The following ADAM23 variants were observed in gnomAD, a reference collection of about 807,000 sequenced individuals.
ADAM23 encodes disintegrin and metalloproteinase domain-containing protein 23.
ADAM23 carries 33 observed loss-of-function variants against 120.1 expected under a neutral mutation model. The observed-to-expected ratio is 0.27, with a 90% CI of 0.21 to 0.37. The LOEUF is 0.37. Among genes scored for constraint, ADAM23 ranks in the 10% least tolerant of loss-of-function variants. ADAM23 has a pLI of 1.00. For synonymous variants in ADAM23, 367 were observed against 375.2 expected, an observed-to-expected ratio of 0.98 and a Z score of 0.25; for missense variants, 862 against 1,058.2, an observed-to-expected ratio of 0.81 and a Z score of 2.57.
intron 25 of ADAM23, among the ~76,000 whole-genome samples, chr2:206,614,652 C>CAA (rs935600748): frequency 7.6e-6 from 1 of 131,888 alleles, no homozygotes; most frequent in African/African-American, 2.8e-5. Context: ...AACTCTGTCT[C>CAA]AAAAAAAAAA....
At chr2:206,496,093 G>A (rs925742135) in intron 3 of ADAM23, among the ~76,000 whole-genome samples, 4 of 152,058 alleles carry the variant, frequency 2.6e-5, no homozygotes, top group Non-Finnish European at 5.9e-5. Context: ...ACAGATCAAT[G>A]AGATAGAAAG....
At chr2:206,526,141 TAC>T (rs59684611) in intron 3 of ADAM23, among the ~76,000 whole-genome samples, 33,554 of 145,422 alleles carry the variant, frequency 0.23, 3,782 homozygotes, top group African/African-American at 0.3. Flanking sequence ...TTCCAACAAA[TAC>T]ACACACACAC....
intron 18 of ADAM23, among the ~76,000 whole-genome samples, chr2:206,577,247 ATTTTTTCTTTTTT>A (rs955779702): frequency 1.3e-5 from 2 of 149,882 alleles, no homozygotes; most frequent in South Asian, 2.1e-4. Flanking sequence ...GAATAAGGGC[ATTTTTTCTTTTTT>A]TTTTTTCTTT....
chr2:206,570,662 T>G, intron 15 of ADAM23, 78 bp from the exon 16 acceptor site: 1 of 1,087,326 alleles, frequency 9.2e-7, no homozygotes, highest in South Asian at 1.3e-5. Flanking sequence ...TATACGGCCA[T>G]TGTATGTGGC....
chr2:206,521,823 GAACAT>G (rs1696849254), intron 3 of ADAM23, among the ~76,000 whole-genome samples: 1 of 152,176 alleles, frequency 6.6e-6, no homozygotes, highest in South Asian at 2.1e-4. Flanking sequence ...ATTATAGGGT[GAACAT>G]GCTTTCAGGG....
chr2:206,526,609 A>AG (rs1696953330), intron 3 of ADAM23, among the ~76,000 whole-genome samples: 1 of 152,184 alleles, frequency 6.6e-6, no homozygotes, highest in Non-Finnish European at 1.5e-5. Flanking sequence ...GTCACACTAG[A>AG]GGGGCAGACA....
At position 206,561,217 on chromosome 2, in the gene ADAM23, A is replaced by G; in HGVS notation, c.1254+5A>G. 9 of 1,611,662 alleles carry G rather than the reference A, an allele frequency of 5.6e-6. No homozygotes were observed. Among genetic ancestry groups the G allele is most frequent in the Non-Finnish European group, 7.6e-6 (9 of 1,177,844 alleles). On this transcript the variant is annotated splice_donor_5th_base_variant and intron_variant, in intron 12 of 25. Transcript: ENST00000264377. ...AGAGGAGTTGGTGTGAATGAGGTAA[A>G]TTTTACCAATTAGAGTTTCATCTTT... is the stretch of plus-strand genomic sequence containing the variant.
intron 4 of ADAM23, among the ~76,000 whole-genome samples, chr2:206,541,490 A>G (rs932553697): frequency 6.6e-6 from 1 of 152,218 alleles, no homozygotes; most frequent in Non-Finnish European, 1.5e-5. Flanking sequence ...AAACAGCTTA[A>G]AACATTAAAA....
chr2:206,518,805 A>G (rs1460769819), intron 3 of ADAM23, among the ~76,000 whole-genome samples: 1 of 152,194 alleles, frequency 6.6e-6, no homozygotes, highest in Admixed American at 6.5e-5. Flanking sequence ...TCTTTACAGC[A>G]TATAGGCAAT....
intron 18 of ADAM23, among the ~76,000 whole-genome samples, chr2:206,576,282 G>C (rs1334397074): frequency 6.6e-6 from 1 of 150,506 alleles, no homozygotes; most frequent in African/African-American, 2.4e-5. Flanking sequence ...AAAAACTTCT[G>C]TGTATTCAGC....
intron 24 of ADAM23, among the ~76,000 whole-genome samples, chr2:206,603,180 T>G (rs1447670342): frequency 6.6e-6 from 1 of 150,654 alleles, no homozygotes; most frequent in Non-Finnish European, 1.5e-5. Flanking sequence ...TAAATTAGTG[T>G]AGAAGTAGAA....
chr2:206,485,985 G>T (rs575238382), intron 3 of ADAM23, among the ~76,000 whole-genome samples: 1 of 152,342 alleles, frequency 6.6e-6, no homozygotes, highest in Admixed American at 6.5e-5. Context: ...GAGGATGTGG[G>T]ATGTTCAAGA....
intron 24 of ADAM23, among the ~76,000 whole-genome samples, chr2:206,599,931 G>A (rs1187039413): frequency 6.6e-6 from 1 of 152,332 alleles, no homozygotes; most frequent in East Asian, 1.9e-4. Context: ...GCCGGGCACG[G>A]TGGCTCACGC....
At chr2:206,452,762 C>T (rs1361584677) in intron 2 of ADAM23, among the ~76,000 whole-genome samples, 1 of 152,170 alleles carries the variant, frequency 6.6e-6, no homozygotes, top group East Asian at 1.9e-4. Context: ...CCTCATCTTT[C>T]TCAGCCATGC....
chr2:206,507,963 G>A (rs1231257215), intron 3 of ADAM23, among the ~76,000 whole-genome samples: 1 of 152,284 alleles, frequency 6.6e-6, no homozygotes, highest in East Asian at 1.9e-4. Context: ...CTGTCTCTCA[G>A]TGGAGGTAAG....
intron 21 of ADAM23, among the ~76,000 whole-genome samples, chr2:206,590,856 A>G (rs1238162608): frequency 6.6e-6 from 1 of 152,218 alleles, no homozygotes. Context: ...GAATTTGATT[A>G]GCTTTATTCA....
intron 18 of ADAM23, among the ~76,000 whole-genome samples, chr2:206,577,220 G>A (rs1156913279): frequency 6.6e-6 from 1 of 151,458 alleles, no homozygotes; most frequent in East Asian, 1.9e-4. Context: ...AATCTCACAT[G>A]TGGCTATGCC....
chr2:206,557,847 T>G (rs1697677268), intron 10 of ADAM23, among the ~76,000 whole-genome samples: 1 of 152,224 alleles, frequency 6.6e-6, no homozygotes, highest in Non-Finnish European at 1.5e-5. Context: ...GGGCTTTTCT[T>G]AAATATATGG....
chr2:206,499,769 G>A (rs910266766), intron 3 of ADAM23, among the ~76,000 whole-genome samples: 5 of 152,124 alleles, frequency 3.3e-5, no homozygotes, highest in Non-Finnish European at 5.9e-5. Context: ...AGTGACAACA[G>A]TGCTTTTAGA....
Sources: allele counts gnomAD v4.1 joint callset (sites outside exome capture counted in the v4.1 genomes callset), GRCh38; gene constraint gnomAD v4.1.1; transcripts MANE v1.5; gene names NCBI Gene and HGNC (gene_info 2026-07-23, HGNC 2026-07-21).